Variants in SYT16 observed in about 807,000 individuals in gnomAD.
SYT16 encodes synaptotagmin 16.
A neutral mutation model predicts 61.4 loss-of-function variants in SYT16; 42 were observed. The ratio of observed to expected loss-of-function variants is 0.68; its 90% CI spans 0.53 to 0.89. The LOEUF is 0.89. Ranked by LOEUF, SYT16 falls within the 40% of genes least tolerant of loss-of-function variation. SYT16 has a pLI of 0.00. For synonymous variants in SYT16, 314 were observed against 302.3 expected (o/e 1.04, Z -0.40); for missense variants, 804 against 807.3 (o/e 1.00, Z 0.05).
chr14:61,821,868 A>C (rs1276511195), intron 1 of SYT16, among the ~76,000 whole-genome samples: 7 of 152,214 alleles, frequency 4.6e-5, no homozygotes. Flanking sequence ...TTCTTCAATT[A>C]GATTTTTATT....
chr14:61,888,621 C>T (rs181083989), intron 1 of SYT16, among the ~76,000 whole-genome samples: 1 of 152,212 alleles, frequency 6.6e-6, no homozygotes, highest in Non-Finnish European at 1.5e-5. Flanking sequence ...TCACAGATCA[C>T]CATGACAGAT....
chr14:61,952,489 T>C (rs1274949299), intron 1 of SYT16, among the ~76,000 whole-genome samples: 2 of 152,226 alleles, frequency 1.3e-5, no homozygotes, highest in Non-Finnish European at 2.9e-5. Context: ...GAGAGCAAGT[T>C]TGCTGATAAT....
In SYT16 at chr14:62,107,840, A is replaced by C. The variant is rs146924872; in HGVS notation, c.*7133A>C. Reference sequence around the variant, plus strand: ...GAAAAGAATTATAGCATCAAATAGGATATTTAGTATTCTTGACTTTTATAA... The same window carrying C: ...GAAAAGAATTATAGCATCAAATAGGCTATTTAGTATTCTTGACTTTTATAA... On this transcript the variant is annotated 3_prime_UTR_variant, in exon 8 of 8. Coordinates refer to ENST00000683842, the MANE Select transcript of SYT16 (RefSeq NM_001367656.1). 2.0e-3 allele frequency: 301 copies of C among 152,336 alleles called. 2 individuals carry two copies. The highest frequency in any genetic ancestry group is 7.0e-3 in the African/African-American group (290 of 41,570). The allele number at this position is 152,336 out of a possible 1,614,324, so 9.4% of individuals were successfully genotyped here.
intron 3 of SYT16, among the ~76,000 whole-genome samples, chr14:62,067,449 CAA>C (rs891398645): frequency 1.3e-5 from 2 of 152,018 alleles, no homozygotes; most frequent in African/African-American, 4.8e-5. Context: ...GAAGGAACAA[CAA>C]AGTCAAAGAG....
rs1184463283 is a variant in SYT16, at chr14:62,101,980, C to G, written c.*1273C>G. 6.6e-6 allele frequency: 1 copy of G among 151,978 alleles called. No homozygotes were observed. The highest frequency in any genetic ancestry group is 1.5e-5 in the Non-Finnish European group (1 of 67,982). 9.4% of individuals were successfully genotyped at this position (151,978 alleles called of 1,614,324 possible). On this transcript the variant is annotated 3_prime_UTR_variant, in exon 8 of 8. Coordinates refer to ENST00000683842, the MANE Select transcript of SYT16 (RefSeq NM_001367656.1). The stretch of plus-strand genomic sequence containing the variant: ...ACTTTCCTTATTCATAGGTCTGGGC[C>G]CTTAATTTCAATTACTTTAAATTGG...
At chr14:61,835,564 CT>C (rs371587159) in intron 1 of SYT16, among the ~76,000 whole-genome samples, 82 of 144,892 alleles carry the variant, frequency 5.7e-4, no homozygotes, top group Admixed American at 1.3e-3. Context: ...GGCCAGGTGA[CT>C]TTTTTTTTTT....
intron 3 of SYT16, among the ~76,000 whole-genome samples, chr14:62,052,262 T>C (rs920677959): frequency 6.6e-6 from 1 of 152,220 alleles, no homozygotes; most frequent in African/African-American, 2.4e-5. Flanking sequence ...ATGTATGATA[T>C]GTGATGTGTT....
intron 1 of SYT16, among the ~76,000 whole-genome samples, chr14:61,894,090 C>T (rs1302702124): frequency 6.6e-6 from 1 of 152,048 alleles, no homozygotes; most frequent in African/African-American, 2.4e-5. Context: ...TCGAGACCAG[C>T]CTGACCAACA....
At chr14:61,829,103 A>G (rs1219463892) in intron 1 of SYT16, among the ~76,000 whole-genome samples, 2 of 152,186 alleles carry the variant, frequency 1.3e-5, no homozygotes, top group Admixed American at 6.5e-5. Flanking sequence ...CTATTTCCTC[A>G]TTTTTATAAT....
chr14:61,969,326 G>A (rs2051446103), intron 1 of SYT16, among the ~76,000 whole-genome samples: 1 of 152,058 alleles, frequency 6.6e-6, no homozygotes, highest in Non-Finnish European at 1.5e-5. Context: ...CACTTCCTTA[G>A]AGGATTCTTC....
chr14:61,974,859 T>G (rs190143774), intron 2 of SYT16, among the ~76,000 whole-genome samples: 1 of 152,338 alleles, frequency 6.6e-6, no homozygotes, highest in Non-Finnish European at 1.5e-5. Flanking sequence ...GTTGCTAAAA[T>G]GTGACAATTT....
At chr14:62,048,399 C>G (rs2055100374) in intron 3 of SYT16, among the ~76,000 whole-genome samples, 1 of 151,964 alleles carries the variant, frequency 6.6e-6, no homozygotes, top group African/African-American at 2.4e-5. Flanking sequence ...AGCTGTCTAT[C>G]AATTTTGTTG....
intron 1 of SYT16, among the ~76,000 whole-genome samples, chr14:61,822,612 G>A (rs1391034687): frequency 2.6e-5 from 4 of 152,210 alleles, no homozygotes; most frequent in South Asian, 4.1e-4. Context: ...AAACAATGGC[G>A]CTGGAAGGGT....
intron 1 of SYT16, among the ~76,000 whole-genome samples, chr14:61,873,845 T>G (rs1157759720): frequency 6.6e-6 from 1 of 152,242 alleles, no homozygotes; most frequent in African/African-American, 2.4e-5. Flanking sequence ...CCATAACTGA[T>G]GGCAGTTCTT....
chr14:61,840,057 T>TG (rs1270797326), intron 1 of SYT16, among the ~76,000 whole-genome samples: 2 of 152,248 alleles, frequency 1.3e-5, no homozygotes, highest in South Asian at 2.1e-4. Flanking sequence ...TAAGACATTT[T>TG]GGAGACAGAA....
chr14:61,886,206 C>T (rs1037842562), intron 1 of SYT16, among the ~76,000 whole-genome samples: 10 of 152,090 alleles, frequency 6.6e-5, no homozygotes, highest in East Asian at 3.9e-4. Context: ...CCTCGTGATC[C>T]GCCTGCCTCG....
chr14:62,033,407 G>A (rs1485173343), intron 3 of SYT16, among the ~76,000 whole-genome samples: 2 of 151,984 alleles, frequency 1.3e-5, no homozygotes, highest in Non-Finnish European at 2.9e-5. Flanking sequence ...GCAAAATGTG[G>A]TCTATCCATC....
chr14:61,986,829 T>C (rs958345628), intron 2 of SYT16, among the ~76,000 whole-genome samples: 3 of 152,158 alleles, frequency 2.0e-5, no homozygotes, highest in Admixed American at 6.5e-5. Flanking sequence ...GTATGTAATA[T>C]TTGTGTATGT....
chr14:61,899,864 G>C (rs2048450027), intron 1 of SYT16, among the ~76,000 whole-genome samples: 1 of 152,150 alleles, frequency 6.6e-6, no homozygotes, highest in Non-Finnish European at 1.5e-5. Flanking sequence ...CTCCCAGGGA[G>C]GAACTGTGTT....
Sources: allele counts gnomAD v4.1 joint callset (sites outside exome capture counted in the v4.1 genomes callset), GRCh38; gene constraint gnomAD v4.1.1; transcripts MANE v1.5; gene names NCBI Gene and HGNC (gene_info 2026-07-23, HGNC 2026-07-21).